The following ZSCAN9 variants were observed in gnomAD, a reference collection of about 807,000 sequenced individuals.
ZSCAN9 encodes the protein zinc finger and SCAN domain-containing protein 9.
A neutral mutation model predicts 23.0 loss-of-function variants in ZSCAN9; 19 were observed. The ratio of observed to expected loss-of-function variants is 0.83; its 90% confidence interval spans 0.58 to 1.21. ZSCAN9 has a LOEUF of 1.21. Ranked by LOEUF, ZSCAN9 falls within the 50% of genes most tolerant of loss-of-function variation. The pLI is 0.00. For synonymous variants in ZSCAN9, 155 were observed against 164.8 expected, an observed-to-expected ratio of 0.94 and a Z score of 0.46; for missense variants, 467 against 471.5, an observed-to-expected ratio of 0.99 and a Z score of 0.09.
intron 2 of ZSCAN9, 45 bp from the exon 3 acceptor site, chr6:28,227,645 A>G: frequency 6.3e-7 from 1 of 1,581,448 alleles, no homozygotes. Context: ...TTTATTTCAG[A>G]CAGTTAATTT....
At chr6:28,230,730 G>A (rs186972159) in intron 3 of ZSCAN9, among the ~76,000 whole-genome samples, 7 of 152,282 alleles carry the variant, frequency 4.6e-5, no homozygotes, top group Non-Finnish European at 2.9e-5. Context: ...ATGATACAGT[G>A]TGTTAAAAGG....
intron 1 of ZSCAN9, 59 bp downstream of exon 1, chr6:28,225,425 G>C (rs910395026): frequency 1.3e-5 from 2 of 152,464 alleles, no homozygotes; most frequent in African/African-American, 2.4e-5. Flanking sequence ...GGCTGGAAAA[G>C]GGGTGTGGAA....
chr6:28,231,019 C>T (rs1002750158), intron 3 of ZSCAN9, among the ~76,000 whole-genome samples: 1 of 152,086 alleles, frequency 6.6e-6, no homozygotes, highest in South Asian at 2.1e-4. Context: ...TAGTAGTCCT[C>T]ACTATTCAAG....
intron 2 of ZSCAN9, 51 bp downstream of exon 2, chr6:28,227,555 A>G: frequency 1.3e-6 from 2 of 1,565,242 alleles, no homozygotes; most frequent in Non-Finnish European, 1.7e-6. Context: ...CATGCCAAGA[A>G]TCCTTGTCAC....
At position 28,232,798 on chromosome 6, in the gene ZSCAN9, C is replaced by G. The variant is rs1290691121; in HGVS notation, c.805C>G (p.Leu269Val). The stretch of plus-strand genomic sequence containing the variant: ...GAAGAGCTTTACTCAGAGCTCAGGT[C>G]TCATTCGACATCAAAGAATTCATAC... ...CGKSFTQSSG[L>V]IRHQRIHTGE... Residue 269 changes from leucine to valine, a missense_variant, in exon 4 of 4, where the codon CTC (leucine) becomes GTC (valine). By Grantham distance (32) the Leu-to-Val change is conservative. Transcript: ENST00000252207. 6.2e-7 allele frequency: 1 copy of G among 1,614,188 alleles called. No homozygotes were observed. Among genetic ancestry groups the G allele is most frequent in the South Asian group, 1.1e-5 (1 of 91,076 alleles).
In ZSCAN9 at chr6:28,232,815, A is replaced by G; in HGVS notation, c.822A>G (p.Arg274=). The G allele has an allele frequency of 6.2e-7, 1 of 1,614,210 alleles. No individual in the cohort carries two copies. Among genetic ancestry groups the G allele is most frequent in the Non-Finnish European group, 8.5e-7 (1 of 1,180,038 alleles). ...TQSSGLIRHQ[R]IHTGERPYEC... Reference sequence around the variant, plus strand: ...GCTCAGGTCTCATTCGACATCAAAGAATTCATACTGGAGAAAGACCTTATG... The same window carrying G: ...GCTCAGGTCTCATTCGACATCAAAGGATTCATACTGGAGAAAGACCTTATG... Residue 274 remains arginine, a synonymous_variant, in exon 4 of 4, where the codon AGA becomes AGG. Transcript: ENST00000252207.
In ZSCAN9 at chr6:28,233,377, C is replaced by A; in HGVS notation, c.*199C>A. The A allele has an allele frequency of 1.3e-6, 1 of 799,162 alleles. No individual in the cohort carries two copies. Among genetic ancestry groups the A allele is most frequent in the Non-Finnish European group, 1.8e-6 (1 of 543,112 alleles). The allele number at this position is 799,162 out of a possible 1,614,324, so 49.5% of individuals were successfully genotyped here. On this transcript the variant is annotated 3_prime_UTR_variant, in exon 4 of 4. Coordinates refer to ENST00000252207, the MANE Select transcript of ZSCAN9 (RefSeq NM_006299.5). ...TTTTGTTCATTTTACCTCTTTCTTA[C>A]TCTTACTAGCTGTGTCCCTCTTATT... is the stretch of plus-strand genomic sequence containing the variant.
At chr6:28,227,967 C>A in intron 3 of ZSCAN9, 130 bp downstream of exon 3, 1 of 1,097,632 alleles carries the variant, frequency 9.1e-7, no homozygotes, top group Non-Finnish European at 1.4e-6. Flanking sequence ...GTCAGTTCTT[C>A]TGAGAGCCTA....
chr6:28,226,889 C>A (rs1000572502), intron 1 of ZSCAN9, 123 bp from the exon 2 acceptor site: 3 of 508,998 alleles, frequency 5.9e-6, no homozygotes, highest in Non-Finnish European at 1.0e-5. Context: ...TATTTCCATC[C>A]TTTGGTCACC....
chr6:28,230,197 A>G (rs1581564582), intron 3 of ZSCAN9: 2 of 751,812 alleles, frequency 2.7e-6, no homozygotes, highest in Non-Finnish European at 4.1e-6. Context: ...GGATAATAAC[A>G]TCGAGTTTTG....
At chr6:28,227,592 G>A (rs1020332627) in intron 2 of ZSCAN9, 88 bp downstream of exon 2, 16 of 1,568,240 alleles carry the variant, frequency 1.0e-5, no homozygotes, top group Non-Finnish European at 1.3e-5. Flanking sequence ...CTTGACATTG[G>A]TGATAAAATA....
At chr6:28,228,256 C>G in intron 3 of ZSCAN9, 1 of 566,522 alleles carries the variant, frequency 1.8e-6, no homozygotes, top group East Asian at 3.0e-5. Context: ...AGTCTACTTG[C>G]GCTGCCTTAA....
At chr6:28,232,348 A>G (rs1311601946) in intron 3 of ZSCAN9, among the ~76,000 whole-genome samples, 2 of 151,778 alleles carry the variant, frequency 1.3e-5, no homozygotes, top group Non-Finnish European at 2.9e-5. Flanking sequence ...AAAACAAAAA[A>G]CAACGACTCA....
intron 3 of ZSCAN9, chr6:28,230,373 C>G: frequency 6.5e-7 from 1 of 1,536,022 alleles, no homozygotes; most frequent in Non-Finnish European, 8.7e-7. Flanking sequence ...CAGTACTGAT[C>G]CCACTTGGGG....
chr6:28,225,550 A>G (rs887778792), intron 1 of ZSCAN9, among the ~76,000 whole-genome samples, 184 bp downstream of exon 1: 1 of 152,162 alleles, frequency 6.6e-6, no homozygotes, highest in African/African-American at 2.4e-5. Context: ...GGGACATTGT[A>G]CAAGAAAGGG....
intron 3 of ZSCAN9, among the ~76,000 whole-genome samples, chr6:28,230,872 A>G (rs1760280465): frequency 6.6e-6 from 1 of 152,146 alleles, no homozygotes; most frequent in Non-Finnish European, 1.5e-5. Context: ...GAGTTGAACA[A>G]AGACTTAAAG....
chr6:28,232,332 AAAAAC>A (rs1760331333), intron 3 of ZSCAN9, among the ~76,000 whole-genome samples: 1 of 152,188 alleles, frequency 6.6e-6, no homozygotes, highest in Non-Finnish European at 1.5e-5. Context: ...CTCTGGCTCA[AAAAAC>A]AAAACAAAAA....
rs773652998 is a variant in ZSCAN9, at chr6:28,227,435, A to C, written c.351A>C (p.Pro117=). The change falls in exon 2 of 4, where the codon CCA becomes CCC. Residue 117 remains proline, a synonymous_variant. Coordinates refer to ENST00000252207, the MANE Select transcript of ZSCAN9 (RefSeq NM_006299.5). ...ELQGWVREHC[P]ESGEEAVILL... ...AGGGCTGGGTGAGGGAACACTGTCC[A>C]GAGAGTGGAGAAGAGGCTGTGATTT... 2.5e-6 allele frequency: 4 copies of C among 1,613,930 alleles called. No individual in the cohort carries two copies. The highest frequency in any genetic ancestry group is 2.7e-5 in the African/African-American group (2 of 74,932).
At position 28,233,410 on chromosome 6, in the gene ZSCAN9, T is replaced by A. The variant is rs1760382752; in HGVS notation, c.*232T>A. ...AGCTGTGTCCCTCTTATTTATAATT[T>A]ATTTATTTTTTTGAGATGGCTGCTA... On this transcript the variant is annotated 3_prime_UTR_variant, in exon 4 of 4. Transcript: ENST00000252207. 3.5e-6 allele frequency: 2 copies of A among 569,246 alleles called. No individual in the cohort carries two copies. The highest frequency in any genetic ancestry group is 3.9e-5 in the African/African-American group (2 of 51,650). The allele number at this position is 569,246 out of a possible 1,614,324, so 35.3% of individuals were successfully genotyped here. A position where few individuals can be genotyped will look rare whatever the true frequency, so the allele number is the denominator to read the frequency against.
Sources: gnomAD v4.1 joint callset for allele counts (sites outside exome capture counted in the v4.1 genomes callset) on GRCh38, gnomAD v4.1.1 for gene constraint, MANE v1.5 for transcripts, NCBI Gene and HGNC (gene_info 2026-07-23, HGNC 2026-07-21) for gene names.